The following STOX2 variants were observed in gnomAD, a reference collection of about 807,000 sequenced individuals.
STOX2 encodes storkhead box 2.
STOX2 carries 28 observed loss-of-function variants against 60.9 expected under a neutral mutation model. That is an observed-to-expected ratio of 0.46 (90% CI 0.34 to 0.63). The LOEUF (loss-of-function observed/expected upper bound fraction) is 0.63, where lower values mean the gene tolerates loss of function less well. Among genes scored for constraint, STOX2 ranks in the 30% least tolerant of loss-of-function variants. The pLI, the probability that STOX2 is intolerant of heterozygous loss-of-function variation, is 0.01. For missense variants in STOX2, 1,024 were observed against 1,187.7 expected (o/e 0.86, Z 2.03); for synonymous variants, 472 against 463.9 (o/e 1.02, Z -0.22).
chr4:183,859,943 T>TA (rs1325903558), intron 1 of STOX2, among the ~76,000 whole-genome samples: 2 of 151,916 alleles, frequency 1.3e-5, no homozygotes, highest in Non-Finnish European at 2.9e-5. Flanking sequence ...ATTAGATATT[T>TA]ACTGACAGAA....
At chr4:183,818,719 G>T (rs901042476) in intron 1 of STOX2, among the ~76,000 whole-genome samples, 2 of 151,646 alleles carry the variant, frequency 1.3e-5, no homozygotes, top group Non-Finnish European at 2.9e-5. Context: ...CCGGCTGGGC[G>T]GGGGCTGACT....
At position 183,825,295 on chromosome 4, in the gene STOX2, G is replaced by A. The variant is rs376060658; in HGVS notation, c.364+27240G>A. ...AGGCTGTGGGCGAGGAAGGAAGGAC[G>A]TGTTCTTAGGAGGGAGATGCAGCTG... On this transcript the variant is annotated intron_variant, in intron 1 of 2. Coordinates refer to the STOX2 transcript ENST00000513034. This position sits in a 1 kb window ranked among gnomAD's most constrained non-coding sequence, Gnocchi z 4.1. 5.9e-5 allele frequency among the ~76,000 whole-genome samples: 9 copies of A among 152,302 alleles called. No individual in the cohort carries two copies. In the East Asian group the frequency reaches 1.2e-3, roughly 20 times the overall value.
chr4:183,996,405 G>A (rs1198472071), intron 1 of STOX2, among the ~76,000 whole-genome samples: 1 of 152,202 alleles, frequency 6.6e-6, no homozygotes, highest in Non-Finnish European at 1.5e-5. Flanking sequence ...TTATAGACAA[G>A]TAAATTATAA....
At chr4:184,003,861 T>C (rs1194066270) in intron 2 of STOX2, among the ~76,000 whole-genome samples, 4 of 152,192 alleles carry the variant, frequency 2.6e-5, no homozygotes, top group African/African-American at 4.8e-5. Context: ...TGGTATTTCA[T>C]AAAAAATGAA....
chr4:183,814,905 A>G (rs190144723), intron 1 of STOX2, among the ~76,000 whole-genome samples: 17 of 152,342 alleles, frequency 1.1e-4, no homozygotes, highest in Non-Finnish European at 1.6e-4. Context: ...TTAGCGATAA[A>G]TGATGTTACT....
chr4:183,890,969 G>A (rs1741194877), intron 1 of STOX2, among the ~76,000 whole-genome samples: 1 of 152,034 alleles, frequency 6.6e-6, no homozygotes, highest in African/African-American at 2.4e-5. Flanking sequence ...AAATAGGTGG[G>A]CATGGTGGTG....
chr4:183,826,138 G>A (rs911785685), intron 1 of STOX2, among the ~76,000 whole-genome samples: 7 of 152,074 alleles, frequency 4.6e-5, no homozygotes, highest in African/African-American at 1.2e-4. Flanking sequence ...CCTGCATTTC[G>A]TTTTCATTTC....
intron 1 of STOX2, among the ~76,000 whole-genome samples, chr4:183,878,263 G>A (rs1426710279): frequency 6.6e-6 from 1 of 152,192 alleles, no homozygotes; most frequent in African/African-American, 2.4e-5. Flanking sequence ...GCCTGGTAAA[G>A]GTGCCATTTG....
intron 1 of STOX2, among the ~76,000 whole-genome samples, chr4:183,887,085 C>G (rs1204220506): frequency 2.0e-5 from 3 of 151,950 alleles, no homozygotes; most frequent in Non-Finnish European, 2.9e-5. Context: ...ATGGTGAAAC[C>G]CTGTCTCTCC....
At chr4:183,860,094 T>C (rs1160162593) in intron 1 of STOX2, among the ~76,000 whole-genome samples, 1 of 152,072 alleles carries the variant, frequency 6.6e-6, no homozygotes, top group Non-Finnish European at 1.5e-5. Context: ...TATTCTTTTT[T>C]TTTTACCGAT....
At position 183,913,639 on chromosome 4, in the gene STOX2, C is replaced by T. The variant is rs145469374; in HGVS notation, c.166+6683C>T. Among the ~76,000 whole-genome samples, 1,081 of 152,164 alleles carry T rather than the reference C, an allele frequency of 7.1e-3. 14 individuals are homozygous for T. Among genetic ancestry groups the T allele is most frequent in the African/African-American group, 0.025 (1,028 of 41,524 alleles). ...TACAAAAATTAGCTGGGCATGGTGGCGCGTGCCTGTAATCCCAGCTACTCG... is the reference window on the plus strand; with the variant it reads ...TACAAAAATTAGCTGGGCATGGTGGTGCGTGCCTGTAATCCCAGCTACTCG... On this transcript the variant is annotated intron_variant, in intron 1 of 3. Coordinates refer to ENST00000308497, the MANE Select transcript of STOX2 (RefSeq NM_020225.3).
chr4:183,829,016 G>A (rs1163524061), intron 1 of STOX2, among the ~76,000 whole-genome samples: 1 of 152,198 alleles, frequency 6.6e-6, no homozygotes, highest in African/African-American at 2.4e-5. Flanking sequence ...CCAACCGGGA[G>A]ATTAGCAATT....
intron 1 of STOX2, among the ~76,000 whole-genome samples, chr4:183,814,531 C>T (rs1184677952): frequency 6.6e-6 from 1 of 152,346 alleles, no homozygotes; most frequent in Admixed American, 6.5e-5. Flanking sequence ...CCAGGTCTGC[C>T]TGTGGGATCC....
intron 1 of STOX2, among the ~76,000 whole-genome samples, chr4:183,801,909 T>A (rs1235457261): frequency 6.6e-6 from 1 of 152,130 alleles, no homozygotes; most frequent in Non-Finnish European, 1.5e-5. Context: ...TAGAAAGAAA[T>A]AGGAGCACTA....
intron 1 of STOX2, among the ~76,000 whole-genome samples, chr4:183,949,265 TACAC>T (rs534673666): frequency 1.4e-4 from 21 of 152,168 alleles, no homozygotes; most frequent in Non-Finnish European, 2.8e-4. Flanking sequence ...ACAAAACAAA[TACAC>T]AGGCTAATTT....
chr4:183,843,157 AAAAAAAG>A (rs1298779157), intron 1 of STOX2, among the ~76,000 whole-genome samples: 1 of 151,762 alleles, frequency 6.6e-6, no homozygotes, highest in Non-Finnish European at 1.5e-5. Context: ...CAAAAAAAAA[AAAAAAAG>A]AAAAAGAAAA....
chr4:183,822,468 G>T (rs968714044), intron 1 of STOX2, among the ~76,000 whole-genome samples: 1 of 152,158 alleles, frequency 6.6e-6, no homozygotes. Flanking sequence ...ATCAGTGGGA[G>T]CCCTGAGCTT....
chr4:184,009,156 A>G lies in STOX2; in HGVS notation c.320-2A>G. The G allele has an allele frequency of 3.4e-6, 2 of 581,876 alleles. No homozygotes were observed. Among genetic ancestry groups the G allele is most frequent in the Non-Finnish European group, 4.9e-6 (2 of 407,292 alleles). 36.0% of individuals were successfully genotyped at this position (581,876 alleles called of 1,614,324 possible). A position where few individuals can be genotyped will look rare whatever the true frequency, so the allele number is the denominator to read the frequency against. ...AAGTGGTTTTTTTTTTTTTTTTTTC[A>G]GGTGTTCCAACGCCAAGCCAAGAAA... On this transcript the variant is annotated splice_acceptor_variant, in intron 2 of 3. Coordinates refer to ENST00000308497, the MANE Select transcript of STOX2 (RefSeq NM_020225.3). LOFTEE classifies it high-confidence loss of function. This position sits in a 1 kb window ranked among gnomAD's most constrained non-coding sequence, Gnocchi z 4.0.
intron 1 of STOX2, among the ~76,000 whole-genome samples, chr4:183,942,552 C>A (rs897241472): frequency 6.6e-6 from 1 of 151,340 alleles, no homozygotes; most frequent in African/African-American, 2.4e-5. Context: ...TCCTCCAGCT[C>A]TTCCTTAATT....
Sources: allele counts gnomAD v4.1 joint callset (sites outside exome capture counted in the v4.1 genomes callset), GRCh38; gene constraint gnomAD v4.1.1; non-coding constraint Gnocchi (gnomAD v3.1); transcripts MANE v1.5; gene names NCBI Gene and HGNC (gene_info 2026-07-23, HGNC 2026-07-21).